PTPRU: variants seen among roughly 807,000 people sequenced by gnomAD.
The protein encoded by PTPRU is protein tyrosine phosphatase receptor type U, also known as receptor-type tyrosine-protein phosphatase U.
Under a neutral mutation model 166.3 loss-of-function variants are expected in PTPRU, and 69 were observed. The observed-to-expected ratio is 0.41, with a 90% CI of 0.34 to 0.51. The LOEUF is 0.51. Ranked by LOEUF, PTPRU falls within the 20% of genes least tolerant of loss-of-function variation. PTPRU has a pLI of 0.09. For synonymous variants in PTPRU, 793 were observed against 814.0 expected, an observed-to-expected ratio of 0.97 and a Z score of 0.44; for missense variants, 1,657 against 2,013.7, an observed-to-expected ratio of 0.82 and a Z score of 3.39.
At chr1:29,264,663 G>A (rs1334857995) in intron 7 of PTPRU, among the ~76,000 whole-genome samples, 1 of 152,054 alleles carries the variant, frequency 6.6e-6, no homozygotes, top group Non-Finnish European at 1.5e-5. Context: ...GTGCCACCAT[G>A]CCCAGCTAAT....
At chr1:29,309,031 A>G (rs1486094340) in intron 18 of PTPRU, among the ~76,000 whole-genome samples, 1 of 152,202 alleles carries the variant, frequency 6.6e-6, no homozygotes, top group Non-Finnish European at 1.5e-5. Flanking sequence ...GAGAAGTTCC[A>G]GTGCTGAGGG....
At chr1:29,265,295 T>G (rs1685251376) in intron 7 of PTPRU, among the ~76,000 whole-genome samples, 1 of 152,192 alleles carries the variant, frequency 6.6e-6, no homozygotes, top group South Asian at 2.1e-4. Context: ...CTGAGAGGTG[T>G]GTAGTGATAT....
Position 29,320,861 on chromosome 1 carries a change from G to T in PTPRU, c.3828+36G>T, listed in dbSNP as rs1467354285. 5 of 1,514,390 alleles carry T rather than the reference G, an allele frequency of 3.3e-6. No individual in the cohort carries two copies. The highest frequency in any genetic ancestry group is 4.5e-6 in the Non-Finnish European group (5 of 1,123,306). 93.8% of individuals were successfully genotyped at this position (1,514,390 alleles called of 1,614,324 possible). ...CACTGGCCAGGCCAATGGGCCGCCTGCTCCCAGGTCCTCTGTGTATTCAGG... is the reference window on the plus strand; with the variant it reads ...CACTGGCCAGGCCAATGGGCCGCCTTCTCCCAGGTCCTCTGTGTATTCAGG... On this transcript the variant is annotated intron_variant, in intron 26 of 29. Coordinates refer to ENST00000373779, the MANE Select transcript of PTPRU (RefSeq NM_133178.4). This position sits in a 1 kb window ranked among gnomAD's most constrained non-coding sequence, Gnocchi z 5.2.
chr1:29,268,397 C>T lies in PTPRU; in HGVS notation c.1145-7051C>T, dbSNP rs537190097. On this transcript the variant is annotated intron_variant, in intron 7 of 29. Coordinates refer to ENST00000373779, the MANE Select transcript of PTPRU (RefSeq NM_133178.4). ...CATAACCGTTGTCACAACTGGGTGG[C>T]GGCAATGGGGTGTTACTGGCATCTA... Among the ~76,000 whole-genome samples, 9 of 152,226 alleles carry T rather than the reference C, an allele frequency of 5.9e-5. No homozygotes were observed. The South Asian group carries it at 6.2e-4, about 11-fold the overall frequency.
At position 29,279,908 on chromosome 1, in the gene PTPRU, C is replaced by A; in HGVS notation, c.1766-131C>A. The A allele has an allele frequency of 9.6e-7, 1 of 1,044,784 alleles. No individual in the cohort carries two copies. Among genetic ancestry groups the A allele is most frequent in the Non-Finnish European group, 1.4e-6 (1 of 713,552 alleles). The allele number at this position is 1,044,784 out of a possible 1,614,324, so 64.7% of individuals were successfully genotyped here. A position where few individuals can be genotyped will look rare whatever the true frequency, so the allele number is the denominator to read the frequency against. On this transcript the variant is annotated intron_variant, in intron 10 of 29. Transcript: ENST00000373779. This position sits in a 1 kb window ranked among gnomAD's most constrained non-coding sequence, Gnocchi z 5.2. ...GGTCAGGGGCCAGGGTAGCTCAGGT[C>A]ATGTCAGCAGGAACAAAGAGGCTAA...
intron 11 of PTPRU, among the ~76,000 whole-genome samples, chr1:29,281,212 T>C (rs1319328388): frequency 6.6e-6 from 1 of 152,104 alleles, no homozygotes; most frequent in African/African-American, 2.4e-5. Flanking sequence ...CCCCACTGTA[T>C]CCTCTCCTCT....
chr1:29,304,620 C>T (rs1040719751), intron 16 of PTPRU, among the ~76,000 whole-genome samples, 154 bp from the exon 17 acceptor site: 18 of 152,312 alleles, frequency 1.2e-4, no homozygotes, highest in Non-Finnish European at 2.5e-4. Context: ...AAAGGACCCA[C>T]AGTGACACAG....
In PTPRU at chr1:29,317,686, G is replaced by GTT; in HGVS notation, c.3514-62_3514-61insTT. The GTT allele has an allele frequency of 6.7e-7, 1 of 1,482,684 alleles. No homozygotes were observed. Among genetic ancestry groups the GTT allele is most frequent in the Non-Finnish European group, 9.1e-7 (1 of 1,095,742 alleles). 91.8% of individuals were successfully genotyped at this position (1,482,684 alleles called of 1,614,324 possible). A position where few individuals can be genotyped will look rare whatever the true frequency, so the allele number is the denominator to read the frequency against. On this transcript the variant is annotated intron_variant, in intron 24 of 29. Transcript: ENST00000373779. This position sits in a 1 kb window ranked among gnomAD's most constrained non-coding sequence, Gnocchi z 5.6. ...AACTCAGTCCAGCCTCCTTCATGGG[G>GTT]ATGTGAGGAGGCCCAGCAAGCCCTG...
chr1:29,322,068 CA>C (rs1279083723), intron 26 of PTPRU, among the ~76,000 whole-genome samples: 1 of 152,240 alleles, frequency 6.6e-6, no homozygotes, highest in Non-Finnish European at 1.5e-5. Flanking sequence ...GAGAAGATTG[CA>C]TTAACTGGGC....
chr1:29,273,469 A>G (rs1685662771), intron 7 of PTPRU, among the ~76,000 whole-genome samples: 1 of 152,098 alleles, frequency 6.6e-6, no homozygotes, highest in Non-Finnish European at 1.5e-5. Flanking sequence ...GGTCTTCTCC[A>G]TGTTGGCCAG....
intron 16 of PTPRU, 144 bp from the exon 17 acceptor site, chr1:29,304,629 AG>A (rs534050015): frequency 2.1e-4 from 121 of 566,106 alleles, no homozygotes; most frequent in African/African-American, 2.1e-3. Flanking sequence ...ACAGTGACAC[AG>A]TGACTTTATC....
At chr1:29,318,313 A>T (rs1687994469) in intron 25 of PTPRU, among the ~76,000 whole-genome samples, 1 of 152,186 alleles carries the variant, frequency 6.6e-6, no homozygotes, top group Non-Finnish European at 1.5e-5. Flanking sequence ...CTGCTCCAGG[A>T]CCAGGCCTGG....
intron 7 of PTPRU, among the ~76,000 whole-genome samples, chr1:29,270,871 A>T (rs774813455): frequency 6.6e-6 from 1 of 152,168 alleles, no homozygotes; most frequent in Non-Finnish European, 1.5e-5. Flanking sequence ...CAGGAAGGTG[A>T]GGTGGGAGGA....
At chr1:29,284,923 G>A in intron 14 of PTPRU, 54 bp downstream of exon 14, 1 of 1,553,554 alleles carries the variant, frequency 6.4e-7, no homozygotes, top group Non-Finnish European at 8.7e-7. Flanking sequence ...TTAGAGGCCT[G>A]GTGGCACAGA....
Position 29,280,245 on chromosome 1 carries a change from C to A in PTPRU, c.1868+104C>A. 1.8e-6 allele frequency: 2 copies of A among 1,129,120 alleles called. No individual in the cohort carries two copies. Among genetic ancestry groups the A allele is most frequent in the Non-Finnish European group, 2.5e-6 (2 of 784,882 alleles). 69.9% of individuals were successfully genotyped at this position (1,129,120 alleles called of 1,614,324 possible). Reference sequence around the variant, plus strand: ...AGGCCAGCTCACCCTTTTCCTCCCTCAGTCTCCCACGCAGGGCTTGGAGTG... The same window carrying A: ...AGGCCAGCTCACCCTTTTCCTCCCTAAGTCTCCCACGCAGGGCTTGGAGTG... On this transcript the variant is annotated intron_variant, in intron 11 of 29. Transcript: ENST00000373779. The surrounding 1 kb of genome is among the most constrained non-coding windows in gnomAD (Gnocchi z 4.2).
At chr1:29,307,634 A>G (rs1687453250) in intron 18 of PTPRU, among the ~76,000 whole-genome samples, 1 of 151,702 alleles carries the variant, frequency 6.6e-6, no homozygotes, top group Admixed American at 6.6e-5. Context: ...GTGTTCAAAT[A>G]CCTTCATGAT....
intron 18 of PTPRU, chr1:29,307,004 C>T: frequency 9.0e-7 from 1 of 1,116,626 alleles, no homozygotes; most frequent in Admixed American, 2.0e-5. Flanking sequence ...CTGCCCGTCT[C>T]CGCTCTGCCT....
rs1219797743 is a variant in PTPRU, at chr1:29,257,710, C to T, written c.206-795C>T. 6.6e-6 allele frequency among the ~76,000 whole-genome samples: 1 copy of T among 152,156 alleles called. No individual in the cohort carries two copies. Among genetic ancestry groups the T allele is most frequent in the African/African-American group, 2.4e-5 (1 of 41,420 alleles). ...CTGTTCTACATATTCATTCAGCTTG[C>T]GTCCTGAGGCCTCACAGCCTGGTGG... On this transcript the variant is annotated intron_variant, in intron 2 of 29. Coordinates refer to ENST00000373779, the MANE Select transcript of PTPRU (RefSeq NM_133178.4). The surrounding 1 kb of genome is among the most constrained non-coding windows in gnomAD (Gnocchi z 4.6).
chr1:29,269,238 ATATATATATTTTTTTTTTT>A (rs1371953663), intron 7 of PTPRU, among the ~76,000 whole-genome samples: 1 of 33,452 alleles, frequency 3.0e-5, no homozygotes, highest in African/African-American at 8.7e-5. Context: ...ATATATATAT[ATATATATATTTTTTTTTTT>A]TTTTTTTTTT....
Sources: allele counts gnomAD v4.1 joint callset (sites outside exome capture counted in the v4.1 genomes callset), GRCh38; gene constraint gnomAD v4.1.1; non-coding constraint Gnocchi (gnomAD v3.1); transcripts MANE v1.5; gene names NCBI Gene and HGNC (gene_info 2026-07-23, HGNC 2026-07-21).